Variants in TESK2 observed in about 807,000 individuals in gnomAD.
The protein encoded by TESK2 is testis associated actin remodelling kinase 2, also known as dual specificity testis-specific protein kinase 2.
Under a neutral mutation model 57.1 loss-of-function variants are expected in TESK2, and 39 were observed. The observed-to-expected ratio is 0.68, with a 90% CI of 0.53 to 0.89. The LOEUF is 0.89. Among genes scored for constraint, TESK2 ranks in the 40% least tolerant of loss-of-function variants. The probability of loss-of-function intolerance (pLI) is 0.00; values close to 1 mark genes in which losing one functional copy is unlikely to be tolerated. For synonymous variants in TESK2, 249 were observed against 267.9 expected, an observed-to-expected ratio of 0.93 and a Z score of 0.69; for missense variants, 646 against 732.1, an observed-to-expected ratio of 0.88 and a Z score of 1.36.
At chr1:45,466,797 T>C (rs1209737174) in intron 1 of TESK2, among the ~76,000 whole-genome samples, 1 of 151,644 alleles carries the variant, frequency 6.6e-6, no homozygotes, top group South Asian at 2.1e-4. Flanking sequence ...TTAGATATGT[T>C]ATTTAACCTC....
intron 5 of TESK2, among the ~76,000 whole-genome samples, chr1:45,349,513 A>G (rs1466546023): frequency 6.6e-6 from 1 of 152,176 alleles, no homozygotes; most frequent in Admixed American, 6.5e-5. Context: ...TATGTCACCT[A>G]TGTCTCTTCC....
At chr1:45,403,476 G>C (rs984001322) in intron 3 of TESK2, among the ~76,000 whole-genome samples, 3 of 152,148 alleles carry the variant, frequency 2.0e-5, no homozygotes, top group African/African-American at 7.2e-5. Flanking sequence ...TTAACCACCA[G>C]AGTCTCACAT....
chr1:45,466,579 G>A (rs562304908), intron 1 of TESK2, among the ~76,000 whole-genome samples: 2 of 151,620 alleles, frequency 1.3e-5, no homozygotes, highest in South Asian at 2.1e-4. Context: ...GGTCCCAGGA[G>A]GTCAAGGCTG....
In TESK2 at chr1:45,347,023, T is replaced by C. The variant is rs1475244071; in HGVS notation, c.748A>G (p.Ile250Val). Residue 250 changes from isoleucine (I) to valine (V), a missense_variant, in exon 8 of 11, where the codon ATC becomes GTC. Ile to Val is a conservative substitution (Grantham distance 29). Coordinates refer to ENST00000372086, the MANE Select transcript of TESK2 (RefSeq NM_007170.3). ...FSYGIILCEIIARIQADPDYL... is the reference protein window; with the variant it reads ...FSYGIILCEIVARIQADPDYL... ...TCCGGATCGGCCTGGATGCGGGCGATGATCTCGCAGAGGATGATACCATAA... is the reference window on the plus strand; with the variant it reads ...TCCGGATCGGCCTGGATGCGGGCGACGATCTCGCAGAGGATGATACCATAA... The C allele has an allele frequency of 1.2e-6, 2 of 1,614,086 alleles. No homozygotes were observed. Among genetic ancestry groups the C allele is most frequent in the South Asian group, 1.1e-5 (1 of 91,088 alleles).
intron 3 of TESK2, among the ~76,000 whole-genome samples, chr1:45,394,794 G>A (rs965196580): frequency 1.4e-5 from 2 of 142,054 alleles, no homozygotes; most frequent in African/African-American, 5.2e-5. Flanking sequence ...GAGTTCAAGC[G>A]ATTCTCCTGC....
At chr1:45,472,975 A>T (rs1276532384) in intron 1 of TESK2, among the ~76,000 whole-genome samples, 1 of 142,506 alleles carries the variant, frequency 7.0e-6, no homozygotes, top group Admixed American at 7.2e-5. Context: ...GTCTCTACTA[A>T]AAAAAAAAAA....
At chr1:45,360,743 T>G (rs2149266977) in intron 4 of TESK2, among the ~76,000 whole-genome samples, 1 of 152,340 alleles carries the variant, frequency 6.6e-6, no homozygotes, top group East Asian at 1.9e-4. Flanking sequence ...CTGTAGGCCC[T>G]CAGAAACCGC....
chr1:45,468,755 G>A (rs1320140658), intron 1 of TESK2, among the ~76,000 whole-genome samples: 1 of 152,120 alleles, frequency 6.6e-6, no homozygotes, highest in Non-Finnish European at 1.5e-5. Context: ...TCACAATGAT[G>A]GGGGTGTGGG....
At chr1:45,390,879 C>G (rs1265515826) in intron 3 of TESK2, among the ~76,000 whole-genome samples, 3 of 150,450 alleles carry the variant, frequency 2.0e-5, no homozygotes, top group Non-Finnish European at 3.0e-5. Context: ...AAGTGCTGAG[C>G]TTACAGGCGT....
At chr1:45,360,105 TC>T (rs987956896) in intron 4 of TESK2, among the ~76,000 whole-genome samples, 4 of 152,108 alleles carry the variant, frequency 2.6e-5, no homozygotes, top group African/African-American at 9.7e-5. Flanking sequence ...TGCTTGATAA[TC>T]CATCTTTGAA....
At chr1:45,459,607 C>T (rs979330313) in intron 1 of TESK2, among the ~76,000 whole-genome samples, 2 of 152,074 alleles carry the variant, frequency 1.3e-5, no homozygotes, top group Non-Finnish European at 2.9e-5. Flanking sequence ...TTTGGGAGGC[C>T]AAGGCAAGAG....
chr1:45,390,980 C>T (rs1247463401), intron 3 of TESK2, among the ~76,000 whole-genome samples: 6 of 149,434 alleles, frequency 4.0e-5, no homozygotes, highest in Non-Finnish European at 7.4e-5. Flanking sequence ...TGCAGTGGCG[C>T]GATCTCGGCT....
At chr1:45,458,259 A>G (rs1652192084) in intron 1 of TESK2, among the ~76,000 whole-genome samples, 2 of 152,230 alleles carry the variant, frequency 1.3e-5, no homozygotes, top group African/African-American at 4.8e-5. Flanking sequence ...GAAATCAGTC[A>G]CTAAAAGGCA....
chr1:45,390,771 G>GTTATTA (rs138838014), intron 3 of TESK2, among the ~76,000 whole-genome samples: 1 of 149,944 alleles, frequency 6.7e-6, no homozygotes, highest in Non-Finnish European at 1.5e-5. Flanking sequence ...TATTGTTATT[G>GTTATTA]TTATTATTAT....
intron 3 of TESK2, among the ~76,000 whole-genome samples, chr1:45,407,861 C>T (rs1198682898): frequency 6.6e-6 from 1 of 152,182 alleles, no homozygotes; most frequent in African/African-American, 2.4e-5. Context: ...ACTGCTACTT[C>T]TTTCCAAAGC....
chr1:45,377,581 G>C (rs1397435313), intron 4 of TESK2, among the ~76,000 whole-genome samples: 1 of 151,196 alleles, frequency 6.6e-6, no homozygotes, highest in East Asian at 2.0e-4. Flanking sequence ...ACCATGCCCA[G>C]CTAATTTTTG....
intron 2 of TESK2, among the ~76,000 whole-genome samples, chr1:45,436,065 C>CT (rs1211029940): frequency 6.6e-6 from 1 of 151,834 alleles, no homozygotes; most frequent in African/African-American, 2.4e-5. Context: ...AGTATGATGC[C>CT]TCCAGCTTTG....
intron 3 of TESK2, among the ~76,000 whole-genome samples, chr1:45,387,202 A>G (rs769711430): frequency 7.2e-5 from 11 of 152,160 alleles, no homozygotes; most frequent in Admixed American, 4.6e-4. Flanking sequence ...AAAAGCCCCA[A>G]TTGGAAGTAA....
chr1:45,469,058 G>T (rs896866637), intron 1 of TESK2, among the ~76,000 whole-genome samples: 1 of 151,882 alleles, frequency 6.6e-6, no homozygotes, highest in African/African-American at 2.4e-5. Flanking sequence ...TACATAGGTA[G>T]GTTTGTTTTT....
Sources: allele counts gnomAD v4.1 joint callset (sites outside exome capture counted in the v4.1 genomes callset), GRCh38; gene constraint gnomAD v4.1.1; transcripts MANE v1.5; gene names NCBI Gene and HGNC (gene_info 2026-07-23, HGNC 2026-07-21).